Variants in FTO observed in about 807,000 individuals in gnomAD.
FTO encodes the protein alpha-ketoglutarate-dependent dioxygenase FTO.
In FTO, 47 loss-of-function variants were observed where a neutral mutation model predicts 63.9. The observed-to-expected ratio is 0.74, with a 90% CI of 0.58 to 0.94. The LOEUF (loss-of-function observed/expected upper bound fraction) is 0.94. Ranked by LOEUF, FTO falls within the 40% of genes least tolerant of loss-of-function variation. The pLI is 0.00. For synonymous variants in FTO, 207 were observed against 224.4 expected (o/e 0.92, Z 0.69); for missense variants, 562 against 618.1 (o/e 0.91, Z 0.96).
chr16:54,076,613 G>A (rs1329061709), intron 8 of FTO, among the ~76,000 whole-genome samples: 1 of 151,960 alleles, frequency 6.6e-6, no homozygotes, highest in Non-Finnish European at 1.5e-5. Flanking sequence ...TGCCATATAT[G>A]TATATATTAT....
At chr16:53,761,341 A>G (rs1005038734) in intron 1 of FTO, among the ~76,000 whole-genome samples, 1 of 150,866 alleles carries the variant, frequency 6.6e-6, no homozygotes, top group Middle Eastern at 3.4e-3. Flanking sequence ...GGCTCAAGAG[A>G]TTCTCCCACC....
chr16:53,736,424 C>A (rs560716494), intron 1 of FTO, among the ~76,000 whole-genome samples: 7 of 151,962 alleles, frequency 4.6e-5, no homozygotes, highest in Non-Finnish European at 1.5e-5. Flanking sequence ...ATCGAGTTCT[C>A]TCTGGAAATC....
chr16:54,029,853 C>T (rs1205629364), intron 8 of FTO, among the ~76,000 whole-genome samples: 1 of 152,186 alleles, frequency 6.6e-6, no homozygotes, highest in Admixed American at 6.5e-5. Context: ...GTGAGAAAAG[C>T]ACTTATTAAA....
intron 8 of FTO, among the ~76,000 whole-genome samples, chr16:53,946,923 C>T (rs1223961855): frequency 3.9e-5 from 6 of 152,196 alleles, no homozygotes; most frequent in Admixed American, 1.3e-4. Flanking sequence ...CCATCAATTA[C>T]GCCATGTGTT....
chr16:53,972,130 A>G (rs1567485575), intron 8 of FTO, among the ~76,000 whole-genome samples: 1 of 152,078 alleles, frequency 6.6e-6, no homozygotes. Context: ...TAGCTTAACA[A>G]CTACAACAAA....
chr16:53,908,443 G>C (rs2081592133), intron 7 of FTO, among the ~76,000 whole-genome samples: 1 of 152,136 alleles, frequency 6.6e-6, no homozygotes, highest in Non-Finnish European at 1.5e-5. Flanking sequence ...ATTGACCTCA[G>C]ATGTTAAGAA....
At chr16:53,794,221 A>G (rs150647205) in intron 1 of FTO, among the ~76,000 whole-genome samples, 59 of 152,332 alleles carry the variant, frequency 3.9e-4, no homozygotes, top group Admixed American at 2.4e-3. Context: ...AAGACTTTTT[A>G]TCCTAAAGAA....
At chr16:53,910,791 G>A (rs1013098810) in intron 7 of FTO, among the ~76,000 whole-genome samples, 16 of 152,210 alleles carry the variant, frequency 1.1e-4, no homozygotes, top group Admixed American at 7.2e-4. Flanking sequence ...CTGCCTCGAC[G>A]TCCCAAAGTG....
At chr16:53,785,211 G>A (rs1257758449) in intron 1 of FTO, among the ~76,000 whole-genome samples, 1 of 152,154 alleles carries the variant, frequency 6.6e-6, no homozygotes, top group East Asian at 1.9e-4. Flanking sequence ...AGTCAGTGAG[G>A]AACAGGGCAG....
At chr16:54,018,573 C>T (rs749754466) in intron 8 of FTO, among the ~76,000 whole-genome samples, 6 of 152,128 alleles carry the variant, frequency 3.9e-5, no homozygotes, top group African/African-American at 7.2e-5. Flanking sequence ...ATAATCCCCA[C>T]GTGTGATGGG....
At chr16:53,975,875 T>G (rs1417536111) in intron 8 of FTO, among the ~76,000 whole-genome samples, 1 of 152,170 alleles carries the variant, frequency 6.6e-6, no homozygotes, top group African/African-American at 2.4e-5. Context: ...ATACTGATTA[T>G]AGCAACCCTA....
intron 8 of FTO, among the ~76,000 whole-genome samples, chr16:54,055,274 G>A (rs1356801762): frequency 2.0e-5 from 3 of 152,132 alleles, no homozygotes; most frequent in East Asian, 3.9e-4. Flanking sequence ...ATTAGACTTG[G>A]CTGTTTTGAG....
chr16:53,890,859 G>T (rs543331124), intron 7 of FTO, among the ~76,000 whole-genome samples: 4 of 152,008 alleles, frequency 2.6e-5, no homozygotes, highest in African/African-American at 9.7e-5. Context: ...TTCTGATTTT[G>T]TCCATTTACA....
chr16:53,996,296 G>A (rs998471207), intron 8 of FTO, among the ~76,000 whole-genome samples: 6 of 152,190 alleles, frequency 3.9e-5, no homozygotes, highest in Non-Finnish European at 7.4e-5. Context: ...TAAAAGTGGA[G>A]ACAGCATCCT....
At chr16:54,106,570 A>ATATT (rs542223916) in intron 8 of FTO, among the ~76,000 whole-genome samples, 1 of 141,816 alleles carries the variant, frequency 7.1e-6, no homozygotes, top group African/African-American at 2.6e-5. Context: ...ATTATTCTAT[A>ATATT]TATTTATTAT....
intron 1 of FTO, among the ~76,000 whole-genome samples, chr16:53,762,562 C>T (rs114887345): frequency 2.0e-4 from 30 of 152,228 alleles, no homozygotes; most frequent in African/African-American, 7.0e-4. Flanking sequence ...GAAATATTTA[C>T]ACCCATAGAG....
At chr16:54,013,480 G>A (rs1188327293) in intron 8 of FTO, 1 of 152,060 alleles carries the variant, frequency 6.6e-6, no homozygotes, top group Non-Finnish European at 1.5e-5. Flanking sequence ...AGGTTTGAGA[G>A]GATTGACTCC....
Position 53,810,161 on chromosome 16 carries a change from C to G in FTO, c.67C>G (p.Leu23Val), listed in dbSNP as rs1211420864. Residue 23 changes from leucine to valine, a missense_variant, in exon 2 of 9, where the codon CTT becomes GTT. By Grantham distance (32) the Leu-to-Val change is conservative (BLOSUM62 1). Coordinates refer to ENST00000471389, the MANE Select transcript of FTO (RefSeq NM_001080432.3). ...ACAGAAACTGAGGCTTCTTGAAGAG[C>G]TTGAAGACACTTGGCTCCCTTATCT... ...EAKKLRLLEE[L>V]EDTWLPYLTP... 1.9e-6 allele frequency: 3 copies of G among 1,610,454 alleles called. No homozygotes were observed. Among genetic ancestry groups the G allele is most frequent in the East Asian group, 4.5e-5 (2 of 44,832 alleles).
intron 8 of FTO, among the ~76,000 whole-genome samples, chr16:53,952,589 G>A (rs75438128): frequency 0.042 from 6,390 of 152,276 alleles, 423 homozygotes; most frequent in African/African-American, 0.14. Flanking sequence ...TATGCAAGCA[G>A]TATCTAATCT....
Sources: allele counts gnomAD v4.1 joint callset (sites outside exome capture counted in the v4.1 genomes callset), GRCh38; gene constraint gnomAD v4.1.1; transcripts MANE v1.5; gene names NCBI Gene and HGNC (gene_info 2026-07-23, HGNC 2026-07-21).